ZNF780A: variants seen among roughly 807,000 people sequenced by gnomAD.
ZNF780A encodes the protein zinc finger protein 780A.
Under a neutral mutation model 56.7 loss-of-function variants are expected in ZNF780A, and 40 were observed. That is an observed-to-expected ratio of 0.71 (90% confidence interval 0.55 to 0.92). The LOEUF (loss-of-function observed/expected upper bound fraction) is 0.92, where lower values mean the gene tolerates loss of function less well. ZNF780A is among the 40% of genes least tolerant of loss of function. The pLI, the probability that ZNF780A is intolerant of heterozygous loss-of-function variation, is 0.00. For missense variants in ZNF780A, 672 were observed against 783.3 expected, an observed-to-expected ratio of 0.86 and a Z score of 1.70; for synonymous variants, 231 against 248.3, an observed-to-expected ratio of 0.93 and a Z score of 0.66.
rs2144990882 is a variant in ZNF780A at position 40,090,196 on chromosome 19, CTCA to C, written c.-79_-77del. On this transcript the variant is annotated 5_prime_UTR_variant, in exon 2 of 6. An upstream start codon of the reference 5' UTR is lost. Coordinates refer to ENST00000683561, the MANE Select transcript of ZNF780A (RefSeq NM_001142578.2). ...ACTTTAGGTGTGCAGCAGTAACGCTCTCATCCTCCTCCAGGTCCTTCTTTTGGA... is the reference window on the plus strand; with the variant it reads ...ACTTTAGGTGTGCAGCAGTAACGCTCTCCTCCTCCAGGTCCTTCTTTTGGA... The C allele has an allele frequency of 6.6e-6, 1 of 152,290 alleles. No homozygotes were observed. The highest frequency in any genetic ancestry group is 2.1e-4 in the South Asian group (1 of 4,820). 9.4% of individuals were successfully genotyped at this position (152,290 alleles called of 1,614,324 possible).
At chr19:40,087,971 A>T (rs1002409130) in intron 2 of ZNF780A, among the ~76,000 whole-genome samples, 1 of 152,188 alleles carries the variant, frequency 6.6e-6, no homozygotes, top group Non-Finnish European at 1.5e-5. Context: ...AGAAAAATGA[A>T]ATTAGACCCT....
rs200212074 is a variant in ZNF780A, at chr19:40,073,847, CA to C, written c.*668del. On this transcript the variant is annotated 3_prime_UTR_variant, in exon 6 of 6. Coordinates refer to ENST00000683561, the MANE Select transcript of ZNF780A (RefSeq NM_001142578.2). ...AAGGCTTGTCCACACTCCTTATTGTCACAAAATTTCTAACTATTCTGAATTT... is the reference window on the plus strand; with the variant it reads ...AAGGCTTGTCCACACTCCTTATTGTCCAAAATTTCTAACTATTCTGAATTT... The C allele has an allele frequency of 2.7e-4, 268 of 995,782 alleles. 6 individuals are homozygous for C. In the East Asian group the frequency reaches 0.016, roughly 59 times the overall value. 61.7% of individuals were successfully genotyped at this position (995,782 alleles called of 1,614,324 possible). A position where few individuals can be genotyped will look rare whatever the true frequency, so the allele number is the denominator to read the frequency against.
intron 2 of ZNF780A, among the ~76,000 whole-genome samples, chr19:40,085,986 TTATA>T (rs150876631): frequency 1.3e-4 from 20 of 150,388 alleles, no homozygotes; most frequent in African/African-American, 4.4e-4. Context: ...ATATATATAT[TTATA>T]TATATATATG....
At chr19:40,085,209 C>T in intron 2 of ZNF780A, 1 of 985,458 alleles carries the variant, frequency 1.0e-6, no homozygotes, top group Non-Finnish European at 1.2e-6. Context: ...CAAACCAGAA[C>T]CTCTTTGTGA....
Position 40,083,318 on chromosome 19 carries a change from G to T in ZNF780A, c.10-81C>A, listed in dbSNP as rs945740356. ...AAAGGAGAGGAAGTGAAGGAGTGTA[G>T]TGTAAGAAAAAAGCAATATGGAAAT... On this transcript the variant is annotated intron_variant, in intron 3 of 5. Coordinates refer to ENST00000683561, the MANE Select transcript of ZNF780A (RefSeq NM_001142578.2). 5.1e-6 allele frequency: 8 copies of T among 1,571,616 alleles called. No individual in the cohort carries two copies. In the East Asian group the frequency reaches 1.6e-4, roughly 31 times the overall value.
At chr19:40,089,642 A>T (rs1034097666) in intron 2 of ZNF780A, among the ~76,000 whole-genome samples, 52 of 151,324 alleles carry the variant, frequency 3.4e-4, no homozygotes, top group African/African-American at 1.2e-3. Context: ...ACACACACAC[A>T]CTCACACACA....
chr19:40,074,239 T>G lies in ZNF780A; in HGVS notation c.*277A>C. 6.9e-7 allele frequency: 1 copy of G among 1,450,046 alleles called. No homozygotes were observed. The highest frequency in any genetic ancestry group is 9.1e-7 in the Non-Finnish European group (1 of 1,095,914). 89.8% of individuals were successfully genotyped at this position (1,450,046 alleles called of 1,614,324 possible). A position where few individuals can be genotyped will look rare whatever the true frequency, so the allele number is the denominator to read the frequency against. On this transcript the variant is annotated 3_prime_UTR_variant, in exon 6 of 6. Transcript: ENST00000683561. ...AGTCCAGCAAGCTGTGTCAGAAAAC[T>G]GAAGGCCTTTCCACATTCTTTACAT...
At chr19:40,089,369 T>C (rs971272599) in intron 2 of ZNF780A, 8 of 1,212,130 alleles carry the variant, frequency 6.6e-6, no homozygotes, top group African/African-American at 6.1e-5. Flanking sequence ...TTTCTTAATA[T>C]ACAACCAGCA....
rs939746549 is a variant in ZNF780A at position 40,073,216 on chromosome 19, T to C, written c.*1300A>G. 3 of 604,656 alleles carry C rather than the reference T, an allele frequency of 5.0e-6. No individual in the cohort carries two copies. Among genetic ancestry groups the C allele is most frequent in the African/African-American group, 1.9e-5 (1 of 51,608 alleles). The allele number at this position is 604,656 out of a possible 1,614,324, so 37.5% of individuals were successfully genotyped here. ...ATCTAGGTTGGGGTATATGATTGTA[T>C]ATTTGACTATTCTTTCAAAACCCAC... On this transcript the variant is annotated 3_prime_UTR_variant, in exon 6 of 6. Transcript: ENST00000683561.
chr19:40,077,403 G>A (rs1353376558), intron 5 of ZNF780A, among the ~76,000 whole-genome samples: 1 of 152,066 alleles, frequency 6.6e-6, no homozygotes, highest in Non-Finnish European at 1.5e-5. Context: ...AGCAAGAGAA[G>A]GAACAAGAGA....
At chr19:40,079,970 GTTGT>G (rs1244999034) in intron 5 of ZNF780A, among the ~76,000 whole-genome samples, 1 of 151,798 alleles carries the variant, frequency 6.6e-6, no homozygotes, top group African/African-American at 2.4e-5. Context: ...GAAATGAAAG[GTTGT>G]TTTTTAAAAA....
In ZNF780A at chr19:40,076,079, G is replaced by A; in HGVS notation, c.363C>T (p.Asp121=). The change falls in exon 6 of 6, where the codon GAC becomes GAT. Residue 121 remains aspartate (D), a synonymous_variant. Coordinates refer to ENST00000683561, the MANE Select transcript of ZNF780A (RefSeq NM_001142578.2). ...GTCCCTCAAATTGTCTATATTCTGA[G>A]TCATTTCTAAAATAAAAGGCCTCAA... ...LGIEAFYFRN[D]SEYRQFEGLQ... The A allele has an allele frequency of 6.2e-7, 1 of 1,613,656 alleles. No homozygotes were observed. Among genetic ancestry groups the A allele is most frequent in the Non-Finnish European group, 8.5e-7 (1 of 1,179,912 alleles).
rs1015962575 is a variant in ZNF780A, at chr19:40,073,132, A to G, written c.*1384T>C. The G allele has an allele frequency of 1.9e-5, 23 of 1,190,922 alleles. No homozygotes were observed. The highest frequency in any genetic ancestry group is 3.1e-4 in the Middle Eastern group (1 of 3,254). 73.8% of individuals were successfully genotyped at this position (1,190,922 alleles called of 1,614,324 possible). A position where few individuals can be genotyped will look rare whatever the true frequency, so the allele number is the denominator to read the frequency against. Reference sequence around the variant, plus strand: ...TAAAGTGTCATGATGTCTAAAACTTATTCTCAATGGTACAACAAATATACA... The same window carrying G: ...TAAAGTGTCATGATGTCTAAAACTTGTTCTCAATGGTACAACAAATATACA... On this transcript the variant is annotated 3_prime_UTR_variant, in exon 6 of 6. Coordinates refer to ENST00000683561, the MANE Select transcript of ZNF780A (RefSeq NM_001142578.2).
chr19:40,079,553 C>T (rs1011437496), intron 5 of ZNF780A, among the ~76,000 whole-genome samples: 2 of 152,116 alleles, frequency 1.3e-5, no homozygotes, highest in African/African-American at 4.8e-5. Flanking sequence ...TTCTCATTAG[C>T]ACACAGAACA....
In ZNF780A at chr19:40,073,537, T is replaced by C. The variant is rs1196096314; in HGVS notation, c.*979A>G. 1.0e-6 allele frequency: 1 copy of C among 985,912 alleles called. No individual in the cohort carries two copies. The highest frequency in any genetic ancestry group is 1.2e-6 in the Non-Finnish European group (1 of 830,362). 61.1% of individuals were successfully genotyped at this position (985,912 alleles called of 1,614,324 possible). On this transcript the variant is annotated 3_prime_UTR_variant, in exon 6 of 6. Transcript: ENST00000683561. ...CAATTCAGCGAGGTATGCCTGTATC[T>C]GGTAAATTATTTCATAGGGAGTACA... is the stretch of plus-strand genomic sequence containing the variant.
intron 4 of ZNF780A, among the ~76,000 whole-genome samples, chr19:40,082,909 G>A (rs1339770723): frequency 1.3e-5 from 2 of 152,196 alleles, no homozygotes; most frequent in Admixed American, 6.5e-5. Context: ...CCAGCGTAAC[G>A]AAGGAGGCCA....
At chr19:40,081,208 A>C (rs1974453155) in intron 5 of ZNF780A, among the ~76,000 whole-genome samples, 1 of 142,308 alleles carries the variant, frequency 7.0e-6, no homozygotes, top group Non-Finnish European at 1.5e-5. Flanking sequence ...AGACTCAAAT[A>C]ACAGGAAAAA....
At chr19:40,086,720 A>G (rs1298186835) in intron 2 of ZNF780A, among the ~76,000 whole-genome samples, 1 of 151,990 alleles carries the variant, frequency 6.6e-6, no homozygotes, top group Non-Finnish European at 1.5e-5. Flanking sequence ...TTTGGGGGGC[A>G]GGGGTGGAGT....
In ZNF780A at chr19:40,083,276, A is replaced by G. The variant is rs115802741; in HGVS notation, c.10-39T>C. The G allele has an allele frequency of 8.0e-4, 1,291 of 1,609,196 alleles. 12 individuals are homozygous for G. In the African/African-American group the frequency reaches 0.016, roughly 20 times the overall value. On this transcript the variant is annotated intron_variant, in intron 3 of 5. Coordinates refer to ENST00000683561, the MANE Select transcript of ZNF780A (RefSeq NM_001142578.2). ...CACATGTATAATGGTGAAACTGAAG[A>G]AAGTTGTTTTAAGATGAAAGGAGAG...
Sources: allele counts gnomAD v4.1 joint callset (sites outside exome capture counted in the v4.1 genomes callset), GRCh38; gene constraint gnomAD v4.1.1; transcripts MANE v1.5; gene names NCBI Gene and HGNC (gene_info 2026-07-23, HGNC 2026-07-21).